The following COL21A1 variants were observed in gnomAD, a reference collection of about 807,000 sequenced individuals.
COL21A1 encodes collagen alpha-1(XXI) chain.
COL21A1 carries 149 observed loss-of-function variants against 137.9 expected under a neutral mutation model. The observed-to-expected ratio is 1.08, with a 90% CI of 0.95 to 1.24. The LOEUF (loss-of-function observed/expected upper bound fraction) is 1.24. Ranked by LOEUF, COL21A1 falls within the 50% of genes most tolerant of loss-of-function variation. COL21A1 has a pLI of 0.00. For missense variants in COL21A1, 1,167 were observed against 1,158.4 expected (o/e 1.01, Z -0.11); for synonymous variants, 456 against 391.5 (o/e 1.16, Z -1.95).
In COL21A1 at chr6:56,306,762, C is replaced by T. The variant is rs866224551; in HGVS notation, c.-39+87209G>A. Among the ~76,000 whole-genome samples the T allele has an allele frequency of 5.9e-4, 24 of 40,610 alleles. No individual in the cohort carries two copies. In the Admixed American group the frequency reaches 8.7e-3, roughly 15 times the overall value. 26.6% of individuals were successfully genotyped at this position (40,610 alleles called of 152,430 possible). On this transcript the variant is annotated intron_variant, in intron 1 of 28. Coordinates refer to the COL21A1 transcript ENST00000370819. Reference sequence around the variant, plus strand: ...AGTCATTCTCCATCCAGCTTTGTTCCGTTGCTGGTGCATTCCTTTAGAGGA... The same window carrying T: ...AGTCATTCTCCATCCAGCTTTGTTCTGTTGCTGGTGCATTCCTTTAGAGGA...
intron 12 of COL21A1, among the ~76,000 whole-genome samples, chr6:56,129,364 C>A (rs1773309586): frequency 6.6e-6 from 1 of 151,936 alleles, no homozygotes; most frequent in South Asian, 2.1e-4. Context: ...GGTGATATAA[C>A]CTTGACTTTA....
At chr6:56,285,995 A>T (rs1763904540) in intron 1 of COL21A1, among the ~76,000 whole-genome samples, 1 of 152,162 alleles carries the variant, frequency 6.6e-6, no homozygotes, top group South Asian at 2.1e-4. Flanking sequence ...CGGGCAGTTA[A>T]TTAAATTTGG....
intron 2 of COL21A1, among the ~76,000 whole-genome samples, chr6:56,180,789 A>G (rs966765459): frequency 6.6e-6 from 1 of 152,260 alleles, no homozygotes; most frequent in African/African-American, 2.4e-5. Flanking sequence ...AATAACTATT[A>G]TTGCTGCTTT....
intron 1 of COL21A1, among the ~76,000 whole-genome samples, chr6:56,185,497 G>T (rs1561961086): frequency 7.6e-6 from 1 of 131,038 alleles, no homozygotes; most frequent in South Asian, 2.6e-4. Flanking sequence ...CTGCAGTGGC[G>T]CAATCTCAGC....
chr6:56,314,563 GC>G (rs1196890754), intron 1 of COL21A1, among the ~76,000 whole-genome samples: 1 of 152,138 alleles, frequency 6.6e-6, no homozygotes, highest in African/African-American at 2.4e-5. Flanking sequence ...AAATCTTGGA[GC>G]TTTTTTCCTC....
chr6:56,128,181 G>T (rs1189391811), intron 12 of COL21A1, among the ~76,000 whole-genome samples: 1 of 152,146 alleles, frequency 6.6e-6, no homozygotes, highest in Non-Finnish European at 1.5e-5. Context: ...CTTGTTTTTG[G>T]TTAAGCTCAA....
intron 5 of COL21A1, 61 bp from the exon 6 acceptor site, chr6:56,168,358 TG>T: frequency 7.4e-7 from 1 of 1,343,124 alleles, no homozygotes; most frequent in South Asian, 1.8e-5. Flanking sequence ...TTATTTTCTT[TG>T]TTCTTACTCC....
chr6:56,070,746 T>C lies in COL21A1; in HGVS notation c.2018A>G (p.Lys673Arg). The C allele has an allele frequency of 1.9e-6, 3 of 1,582,534 alleles. No individual in the cohort carries two copies. Among genetic ancestry groups the C allele is most frequent in the Non-Finnish European group, 2.6e-6 (3 of 1,168,714 alleles). The change falls in exon 21 of 30, where the codon AAG (lysine) becomes AGG (arginine). Residue 673 changes from lysine to arginine, a missense_variant and splice_region_variant. Physicochemically the swap from Lys to Arg is conservative, Grantham distance 26 (BLOSUM62 2). Transcript: ENST00000244728. ...TATTTTCAAATGCATCAAAATTACC[T>C]TGAGCCCAGAAGCCCCAGGCATCCC... is the stretch of plus-strand genomic sequence containing the variant. ...IQGMPGASGL[K>R]GEPGATGSPG...
chr6:56,208,614 ATTC>A (rs1466337568), intron 1 of COL21A1, among the ~76,000 whole-genome samples: 1 of 152,226 alleles, frequency 6.6e-6, no homozygotes, highest in Non-Finnish European at 1.5e-5. Flanking sequence ...TAATTTATAG[ATTC>A]AATGCTATCC....
intron 1 of COL21A1, among the ~76,000 whole-genome samples, chr6:56,241,189 T>G (rs1014120819): frequency 1.3e-5 from 2 of 152,152 alleles, no homozygotes; most frequent in Non-Finnish European, 2.9e-5. Flanking sequence ...CGGAGGTAAT[T>G]AGATAACAAG....
At chr6:56,375,115 C>T (rs778669204) in intron 1 of COL21A1, among the ~76,000 whole-genome samples, 13 of 152,014 alleles carry the variant, frequency 8.6e-5, no homozygotes, top group South Asian at 2.1e-4. Flanking sequence ...AGTGAGAGAA[C>T]GCCAGAGCCA....
In COL21A1 at chr6:56,069,115, T is replaced by C. The variant is rs375697759; in HGVS notation, c.2022A>G (p.Gly674=). ...QGMPGASGLK[G]EPGATGSPGE... is the part of the protein sequence containing the mutation. ...CTGGGGAACCCGTTGCTCCTGGTTCTCCCTATGTAACACAGAAATTCCAGA... is the reference window on the plus strand; with the variant it reads ...CTGGGGAACCCGTTGCTCCTGGTTCCCCCTATGTAACACAGAAATTCCAGA... The change falls in exon 22 of 30, where the codon GGA becomes GGG. Residue 674 remains glycine (G), a splice_region_variant and synonymous_variant. Coordinates refer to ENST00000244728, the MANE Select transcript of COL21A1 (RefSeq NM_030820.4). 1.1e-4 allele frequency: 177 copies of C among 1,593,786 alleles called. No individual in the cohort carries two copies. The East Asian group carries it at 3.1e-3, about 28-fold the overall frequency.
At chr6:56,180,533 A>G (rs977312919) in intron 2 of COL21A1, among the ~76,000 whole-genome samples, 1 of 152,238 alleles carries the variant, frequency 6.6e-6, no homozygotes, top group Non-Finnish European at 1.5e-5. Context: ...GGTTAAAGGT[A>G]TAAAGCTATT....
At chr6:56,204,012 C>A (rs546286751) in intron 1 of COL21A1, among the ~76,000 whole-genome samples, 1 of 152,280 alleles carries the variant, frequency 6.6e-6, no homozygotes, top group East Asian at 1.9e-4. Flanking sequence ...ACCACCAGGG[C>A]CCTGGGTTTC....
intron 10 of COL21A1, among the ~76,000 whole-genome samples, chr6:56,153,999 TC>T (rs1460859276): frequency 6.6e-6 from 1 of 151,888 alleles, no homozygotes; most frequent in Non-Finnish European, 1.5e-5. Context: ...TAGTCCCAAT[TC>T]CCCCCTGCTA....
chr6:56,216,225 G>C (rs568583866), intron 1 of COL21A1, among the ~76,000 whole-genome samples: 1 of 152,154 alleles, frequency 6.6e-6, no homozygotes, highest in Admixed American at 6.6e-5. Flanking sequence ...TGCGATATGG[G>C]ACCTATTGCT....
chr6:56,309,095 T>C (rs1298639000), intron 1 of COL21A1, among the ~76,000 whole-genome samples: 1 of 150,416 alleles, frequency 6.6e-6, no homozygotes, highest in African/African-American at 2.5e-5. Flanking sequence ...CCGGCTGGAG[T>C]ATAGTGGTGT....
chr6:56,218,731 C>A (rs1192653106), intron 1 of COL21A1, among the ~76,000 whole-genome samples: 1 of 152,070 alleles, frequency 6.6e-6, no homozygotes, highest in Non-Finnish European at 1.5e-5. Context: ...GGTCTTAAAG[C>A]AGCAGAGACA....
At chr6:56,301,542 G>C (rs1764279003) in intron 1 of COL21A1, among the ~76,000 whole-genome samples, 2 of 151,988 alleles carry the variant, frequency 1.3e-5, no homozygotes, top group South Asian at 4.1e-4. Context: ...GCAGGAACAA[G>C]AAACATAAAG....
Sources: gnomAD v4.1 joint callset for allele counts (sites outside exome capture counted in the v4.1 genomes callset) on GRCh38, gnomAD v4.1.1 for gene constraint, MANE v1.5 for transcripts, NCBI Gene and HGNC (gene_info 2026-07-23, HGNC 2026-07-21) for gene names.